Variants in GLIS3 observed in about 807,000 individuals in gnomAD.
The protein encoded by GLIS3 is zinc finger protein GLIS3.
A neutral mutation model predicts 78.6 loss-of-function variants in GLIS3; 53 were observed. That is an observed-to-expected ratio of 0.67 (90% CI 0.54 to 0.85). GLIS3 has a LOEUF of 0.85. GLIS3 is among the 40% of genes least tolerant of loss of function. The pLI, the probability that GLIS3 is intolerant of heterozygous loss-of-function variation, is 0.00. For synonymous variants in GLIS3, 684 were observed against 509.9 expected (o/e 1.34, Z -4.60); for missense variants, 1,703 against 1,231.1 (o/e 1.38, Z -5.74).
chr9:4,398,090 C>G, the GLIS3 span, among the ~76,000 whole-genome samples: 1 of 152,028 alleles, frequency 6.6e-6, no homozygotes, highest in African/African-American at 2.4e-5. Context: ...TCTTCAGTTA[C>G]TATTTCAATG....
At chr9:4,291,298 T>A (rs1815954494) in intron 1 of GLIS3, among the ~76,000 whole-genome samples, 1 of 152,140 alleles carries the variant, frequency 6.6e-6, no homozygotes. Flanking sequence ...TCTGCAGGGA[T>A]TCTTCAAGAC....
At chr9:4,451,255 C>T in the GLIS3 span, among the ~76,000 whole-genome samples, 1 of 152,080 alleles carries the variant, frequency 6.6e-6, no homozygotes, top group Admixed American at 6.6e-5. Flanking sequence ...ACAAAGAAGG[C>T]CACTACATGA....
intron 4 of GLIS3, among the ~76,000 whole-genome samples, chr9:3,957,943 C>G (rs1817258347): frequency 6.6e-6 from 1 of 152,174 alleles, no homozygotes; most frequent in Non-Finnish European, 1.5e-5. Flanking sequence ...AAGAGATTAT[C>G]ATGGTTAATG....
chr9:4,383,459 A>C, the GLIS3 span, among the ~76,000 whole-genome samples: 1 of 152,192 alleles, frequency 6.6e-6, no homozygotes, highest in Non-Finnish European at 1.5e-5. Context: ...TTATGTATCA[A>C]AGATAACATA....
intron 4 of GLIS3, among the ~76,000 whole-genome samples, chr9:3,956,203 C>G (rs1817103459): frequency 6.6e-6 from 1 of 151,936 alleles, no homozygotes. Flanking sequence ...AAATCACCTC[C>G]AACAGCTTTT....
chr9:4,437,058 T>C, the GLIS3 span, among the ~76,000 whole-genome samples: 6 of 151,946 alleles, frequency 3.9e-5, no homozygotes, highest in East Asian at 1.2e-3. Flanking sequence ...TTCTAGAAGG[T>C]GTGGAACAGC....
chr9:4,356,951 G>A, the GLIS3 span, among the ~76,000 whole-genome samples: 1 of 152,184 alleles, frequency 6.6e-6, no homozygotes, highest in African/African-American at 2.4e-5. Context: ...TGTTTCAAAA[G>A]GTGGAATATA....
At chr9:4,408,969 C>T in the GLIS3 span, among the ~76,000 whole-genome samples, 3 of 151,628 alleles carry the variant, frequency 2.0e-5, no homozygotes, top group East Asian at 3.9e-4. Context: ...TACATACACC[C>T]ACTATGTACC....
At chr9:4,163,212 TTA>T (rs1337950697) in intron 2 of GLIS3, among the ~76,000 whole-genome samples, 3 of 152,112 alleles carry the variant, frequency 2.0e-5, no homozygotes, top group African/African-American at 7.2e-5. Context: ...GCCTCATTTT[TTA>T]TGTCTCAGCA....
chr9:4,290,742 T>C (rs1041263988), intron 1 of GLIS3, among the ~76,000 whole-genome samples: 4 of 152,144 alleles, frequency 2.6e-5, no homozygotes, highest in Non-Finnish European at 4.4e-5. Context: ...TAAGTCATTT[T>C]ATTGGCAACA....
At chr9:4,013,747 A>G (rs1822220860) in intron 4 of GLIS3, among the ~76,000 whole-genome samples, 1 of 152,184 alleles carries the variant, frequency 6.6e-6, no homozygotes, top group Non-Finnish European at 1.5e-5. Flanking sequence ...GAGTTAATAG[A>G]GTCTGAGGGG....
At chr9:4,315,849 T>C (rs1227340405) in intron 2 of GLIS3, among the ~76,000 whole-genome samples, 1 of 152,022 alleles carries the variant, frequency 6.6e-6, no homozygotes, top group Non-Finnish European at 1.5e-5. Flanking sequence ...TACCAGGACA[T>C]GTTCTTCCAG....
At chr9:4,106,361 T>C (rs1830751725) in intron 4 of GLIS3, among the ~76,000 whole-genome samples, 1 of 152,198 alleles carries the variant, frequency 6.6e-6, no homozygotes, top group Non-Finnish European at 1.5e-5. Flanking sequence ...CTAGCTTCAT[T>C]TTCCTAAAAC....
the GLIS3 span, among the ~76,000 whole-genome samples, chr9:4,397,768 A>AAGGAG: frequency 1.4e-5 from 2 of 146,716 alleles, no homozygotes; most frequent in Non-Finnish European, 3.0e-5. Flanking sequence ...GAGGAGAGGA[A>AAGGAG]AGGAGAGGAG....
intron 4 of GLIS3, among the ~76,000 whole-genome samples, chr9:4,052,176 A>G (rs1258734909): frequency 6.6e-6 from 1 of 152,240 alleles, no homozygotes. Context: ...TGGCCTAAAT[A>G]AATACCAAAT....
intron 2 of GLIS3, among the ~76,000 whole-genome samples, chr9:4,179,648 G>A (rs981397769): frequency 3.9e-5 from 6 of 152,136 alleles, no homozygotes; most frequent in African/African-American, 1.2e-4. Context: ...GGTGGCTCAC[G>A]CTTGTAATCC....
the GLIS3 span, among the ~76,000 whole-genome samples, chr9:4,388,477 G>A: frequency 6.6e-6 from 1 of 151,998 alleles, no homozygotes; most frequent in Non-Finnish European, 1.5e-5. Flanking sequence ...AGGAGTTCGA[G>A]AGCATCCTGA....
At chr9:3,958,270 GA>G (rs531226498) in intron 4 of GLIS3, among the ~76,000 whole-genome samples, 1 of 152,042 alleles carries the variant, frequency 6.6e-6, no homozygotes. Flanking sequence ...ATGAGAGGAA[GA>G]AAAAAATGCA....
At chr9:4,338,561 G>C (rs1444089609) in intron 2 of GLIS3, among the ~76,000 whole-genome samples, 2 of 152,136 alleles carry the variant, frequency 1.3e-5, no homozygotes, top group African/African-American at 4.8e-5. Flanking sequence ...TTGAAGTCAA[G>C]ATGTGGCTAC....
Sources: allele counts gnomAD v4.1 joint callset (sites outside exome capture counted in the v4.1 genomes callset), GRCh38; gene constraint gnomAD v4.1.1; transcripts MANE v1.5; gene names NCBI Gene and HGNC (gene_info 2026-07-23, HGNC 2026-07-21).